The following CCDC171 variants were observed in gnomAD, a reference collection of about 807,000 sequenced individuals.
The protein encoded by CCDC171 is coiled-coil domain containing 171.
Under a neutral mutation model 168.2 loss-of-function variants are expected in CCDC171, and 177 were observed. That is an observed-to-expected ratio of 1.05 (90% CI 0.93 to 1.19). CCDC171 has a LOEUF of 1.19. Ranked by LOEUF, CCDC171 falls within the 50% of genes most tolerant of loss-of-function variation. CCDC171 has a pLI of 0.00. For missense variants in CCDC171, 1,991 were observed against 1,539.0 expected (o/e 1.29, Z -4.91); for synonymous variants, 687 against 540.8 (o/e 1.27, Z -3.75).
intron 25 of CCDC171, among the ~76,000 whole-genome samples, chr9:15,939,027 A>G (rs956461176): frequency 1.1e-4 from 17 of 151,432 alleles, no homozygotes; most frequent in Admixed American, 9.9e-4. Flanking sequence ...CATTAATATT[A>G]TAGATTCTTA....
intron 24 of CCDC171, among the ~76,000 whole-genome samples, chr9:15,910,539 G>C (rs1444533260): frequency 6.6e-6 from 1 of 150,834 alleles, no homozygotes; most frequent in East Asian, 2.0e-4. Flanking sequence ...GGATTGCTTT[G>C]GCTATTAGGG....
intron 3 of CCDC171, among the ~76,000 whole-genome samples, chr9:15,574,198 A>G (rs1008600973): frequency 1.3e-5 from 2 of 150,368 alleles, no homozygotes; most frequent in Non-Finnish European, 3.0e-5. Context: ...AGGCTGGAGT[A>G]CAGTGGTGCT....
intron 23 of CCDC171, among the ~76,000 whole-genome samples, chr9:15,862,248 T>C (rs940757023): frequency 2.0e-5 from 3 of 151,920 alleles, no homozygotes; most frequent in African/African-American, 7.2e-5. Context: ...CTTTATTCTT[T>C]ATTACTATTA....
the CCDC171 span, among the ~76,000 whole-genome samples, chr9:16,067,735 C>T: frequency 6.6e-6 from 1 of 152,162 alleles, no homozygotes; most frequent in African/African-American, 2.4e-5. Flanking sequence ...TTCCCCATTG[C>T]TCGTTTTTCT....
chr9:15,874,386 G>A (rs1003391175), intron 23 of CCDC171, 146 bp from the exon 24 acceptor site: 24 of 582,762 alleles, frequency 4.1e-5, no homozygotes, highest in Admixed American at 6.9e-5. Flanking sequence ...TATTTGCAAC[G>A]AAAAATCAAT....
At chr9:15,701,802 A>G (rs1429572122) in intron 11 of CCDC171, among the ~76,000 whole-genome samples, 1 of 152,170 alleles carries the variant, frequency 6.6e-6, no homozygotes, top group Non-Finnish European at 1.5e-5. Context: ...GTCATCCACG[A>G]GGATTGGAAT....
chr9:15,661,224 G>A (rs2048292501), intron 8 of CCDC171, among the ~76,000 whole-genome samples: 1 of 148,032 alleles, frequency 6.8e-6, no homozygotes, highest in Non-Finnish European at 1.5e-5. Context: ...AGGCTGCAGT[G>A]AGCAGAGATT....
chr9:15,602,408 A>G (rs767755120), intron 6 of CCDC171, among the ~76,000 whole-genome samples: 9 of 149,220 alleles, frequency 6.0e-5, no homozygotes, highest in Non-Finnish European at 1.2e-4. Context: ...TCTCAGTGAA[A>G]CCCCATCTTT....
intron 6 of CCDC171, among the ~76,000 whole-genome samples, chr9:15,618,786 A>G (rs1026603213): frequency 2.0e-5 from 3 of 151,920 alleles, no homozygotes; most frequent in Non-Finnish European, 4.4e-5. Context: ...TTGCACTTCC[A>G]GGGTGAAGTG....
In CCDC171 at chr9:15,809,036, C is replaced by G. The variant is rs2059207168; in HGVS notation, c.3267+24342C>G. On this transcript the variant is annotated intron_variant, in intron 21 of 25. Transcript: ENST00000380701. The stretch of plus-strand genomic sequence containing the variant: ...GCCTTATTTATATAAGGGCACTAAT[C>G]CCGATTTTGAGTGCTCGTCCATGAT... Among the ~76,000 whole-genome samples the G allele has an allele frequency of 2.0e-5, 3 of 152,138 alleles. No homozygotes were observed. In the South Asian group the frequency reaches 6.2e-4, roughly 32 times the overall value.
chr9:15,830,100 A>G (rs2060169754), intron 21 of CCDC171, among the ~76,000 whole-genome samples: 1 of 152,364 alleles, frequency 6.6e-6, no homozygotes, highest in South Asian at 2.1e-4. Context: ...AACAACTGGT[A>G]GTACCCATAA....
chr9:15,769,197 G>C (rs74524139), intron 18 of CCDC171, among the ~76,000 whole-genome samples: 3,885 of 152,266 alleles, frequency 0.026, 85 homozygotes, highest in South Asian at 0.045. Flanking sequence ...AGATGCAGAA[G>C]TTTTTTTCTT....
At chr9:15,873,517 T>C (rs1329087768) in intron 23 of CCDC171, among the ~76,000 whole-genome samples, 2 of 152,074 alleles carry the variant, frequency 1.3e-5, no homozygotes, top group Non-Finnish European at 2.9e-5. Flanking sequence ...TTATTAAGTA[T>C]ATGGTAACAA....
At chr9:15,894,261 T>C (rs1392933944) in intron 24 of CCDC171, among the ~76,000 whole-genome samples, 1 of 151,788 alleles carries the variant, frequency 6.6e-6, no homozygotes, top group Non-Finnish European at 1.5e-5. Flanking sequence ...GAACAACACA[T>C]ACTGGGGCTT....
chr9:16,097,216 C>A, the CCDC171 span, among the ~76,000 whole-genome samples: 3 of 151,454 alleles, frequency 2.0e-5, no homozygotes, highest in Non-Finnish European at 4.4e-5. Flanking sequence ...CCAGTCCGAA[C>A]AGATGAGATA....
intron 7 of CCDC171, among the ~76,000 whole-genome samples, chr9:15,654,492 G>C (rs1447212017): frequency 6.6e-6 from 1 of 152,198 alleles, no homozygotes; most frequent in Non-Finnish European, 1.5e-5. Flanking sequence ...AAGAAGTATA[G>C]TCATTTCTAA....
chr9:15,959,362 A>G (rs575728551), intron 25 of CCDC171, among the ~76,000 whole-genome samples: 33 of 152,244 alleles, frequency 2.2e-4, no homozygotes, highest in Non-Finnish European at 3.5e-4. Flanking sequence ...AATATTTCTT[A>G]TGAGTTTCAT....
chr9:15,570,811 C>T (rs952916869), intron 2 of CCDC171, among the ~76,000 whole-genome samples: 7 of 152,118 alleles, frequency 4.6e-5, no homozygotes, highest in Admixed American at 4.6e-4. Flanking sequence ...ACTCAAGCTT[C>T]TTGTATATAG....
downstream of CCDC171, among the ~76,000 whole-genome samples, chr9:16,064,271 C>G (rs1213571136): frequency 6.6e-6 from 1 of 152,126 alleles, no homozygotes; most frequent in African/African-American, 2.4e-5. Flanking sequence ...TCTCCCAAGT[C>G]CAGAATGTAT....
Sources: gnomAD v4.1 joint callset for allele counts (sites outside exome capture counted in the v4.1 genomes callset) on GRCh38, gnomAD v4.1.1 for gene constraint, MANE v1.5 for transcripts, NCBI Gene and HGNC (gene_info 2026-07-23, HGNC 2026-07-21) for gene names.